RNF24: variants seen among roughly 807,000 people sequenced by gnomAD.
RNF24 encodes the protein ring finger protein 24.
In RNF24, 14 loss-of-function variants were observed where a neutral mutation model predicts 20.0. The observed-to-expected ratio is 0.70, with a 90% CI of 0.46 to 1.10. The LOEUF (loss-of-function observed/expected upper bound fraction) is 1.10. Among genes scored for constraint, RNF24 ranks in the 50% least tolerant of loss-of-function variants. RNF24 has a pLI of 0.00. For synonymous variants in RNF24, 45 were observed against 61.1 expected, an observed-to-expected ratio of 0.74 and a Z score of 1.23; for missense variants, 124 against 177.6, an observed-to-expected ratio of 0.70 and a Z score of 1.71.
intron 1 of RNF24, among the ~76,000 whole-genome samples, chr20:3,985,062 A>C (rs56069856): frequency 0.12 from 18,760 of 152,134 alleles, 1,416 homozygotes; most frequent in Non-Finnish European, 0.17. Flanking sequence ...CCACAACAAC[A>C]ACCACCTAGG....
At chr20:3,962,967 G>C (rs1458490735) in intron 2 of RNF24, among the ~76,000 whole-genome samples, 1 of 151,626 alleles carries the variant, frequency 6.6e-6, no homozygotes. Flanking sequence ...TCCCAGTGTT[G>C]GGATTTTGGA....
rs1319153115 is a variant in RNF24 at position 3,932,660 on chromosome 20, TC to T, written c.*1402del. 9.0e-5 allele frequency: 32 copies of T among 356,490 alleles called. No homozygotes were observed. The Middle Eastern group carries it at 2.2e-3, about 24-fold the overall frequency. The allele number at this position is 356,490 out of a possible 1,614,324, so 22.1% of individuals were successfully genotyped here. A position where few individuals can be genotyped will look rare whatever the true frequency, so the allele number is the denominator to read the frequency against. On this transcript the variant is annotated 3_prime_UTR_variant, in exon 6 of 6. Coordinates refer to ENST00000358395, the MANE Select transcript of RNF24 (RefSeq NM_001134337.3). ...CAGACTGTATTCCTAATGAAAAACT[TC>T]CCCCACTCACACCTGTGGGATGGAG... is the stretch of plus-strand genomic sequence containing the variant.
chr20:3,953,704 T>G (rs1055025825), intron 2 of RNF24, among the ~76,000 whole-genome samples: 1 of 151,488 alleles, frequency 6.6e-6, no homozygotes, highest in Admixed American at 6.6e-5. Flanking sequence ...CCTCGTGATC[T>G]GTCTCTTTTT....
chr20:3,989,531 A>G (rs1332195343), intron 1 of RNF24, among the ~76,000 whole-genome samples: 1 of 152,114 alleles, frequency 6.6e-6, no homozygotes, highest in African/African-American at 2.4e-5. Context: ...TGCTGCTGAC[A>G]CTTGAATTGA....
At chr20:4,014,739 GCACACACACACACACACACA>G (rs146278311) in intron 1 of RNF24, among the ~76,000 whole-genome samples, 3 of 143,670 alleles carry the variant, frequency 2.1e-5, no homozygotes, top group Admixed American at 6.9e-5. Context: ...ACTTGAATGC[GCACACACACACACACACACA>G]CACACACACA....
chr20:3,938,286 AGTTCTTTATAT>A (rs2090915766), intron 4 of RNF24, among the ~76,000 whole-genome samples: 1 of 152,214 alleles, frequency 6.6e-6, no homozygotes, highest in Admixed American at 6.5e-5. Flanking sequence ...AAGTGGTAAG[AGTTCTTTATAT>A]ATTTTAGACT....
intron 2 of RNF24, among the ~76,000 whole-genome samples, chr20:3,948,826 T>G (rs2091049613): frequency 6.6e-6 from 1 of 152,210 alleles, no homozygotes; most frequent in Admixed American, 6.5e-5. Context: ...TACTCTTTTG[T>G]GTTTGGTTTC....
At chr20:3,940,554 T>G (rs2090943573) in intron 4 of RNF24, among the ~76,000 whole-genome samples, 1 of 152,128 alleles carries the variant, frequency 6.6e-6, no homozygotes, top group Non-Finnish European at 1.5e-5. Context: ...CTTCCCATGC[T>G]TGGCAAAAAA....
At position 3,954,677 on chromosome 20, in the gene RNF24, GGTGGATC is replaced by G. The variant is rs376164609; in HGVS notation, c.144-6405_144-6399del. ...CCCAGCACTTTGGGAGGCTGAGGCAGGTGGATCATGAGGTCAGGAGTTCAAGTCTGGC... is the reference window on the plus strand; with the variant it reads ...CCCAGCACTTTGGGAGGCTGAGGCAGATGAGGTCAGGAGTTCAAGTCTGGC... On this transcript the variant is annotated intron_variant, in intron 2 of 5. Coordinates refer to ENST00000358395, the MANE Select transcript of RNF24 (RefSeq NM_001134337.3). Among the ~76,000 whole-genome samples, 877 of 152,242 alleles carry G rather than the reference GGTGGATC, an allele frequency of 5.8e-3. 6 individuals carry two copies. Among genetic ancestry groups the G allele is most frequent in the African/African-American group, 0.02 (815 of 41,532 alleles).
chr20:3,954,776 G>A (rs1034817115), intron 2 of RNF24, among the ~76,000 whole-genome samples: 3 of 151,966 alleles, frequency 2.0e-5, no homozygotes, highest in Non-Finnish European at 4.4e-5. Flanking sequence ...GCAGGCGCCT[G>A]TAATCCCAAC....
chr20:3,945,768 T>C (rs1036710347), intron 3 of RNF24, among the ~76,000 whole-genome samples: 1 of 151,656 alleles, frequency 6.6e-6, no homozygotes, highest in African/African-American at 2.4e-5. Flanking sequence ...TTTGACTCCG[T>C]GGTGACCAGA....
chr20:3,985,670 T>C (rs1979823996), intron 1 of RNF24, among the ~76,000 whole-genome samples: 1 of 151,970 alleles, frequency 6.6e-6, no homozygotes, highest in African/African-American at 2.4e-5. Flanking sequence ...TTTTGGTGAG[T>C]CTATTTTTAC....
At chr20:3,950,260 GA>G (rs1400199185) in intron 2 of RNF24, among the ~76,000 whole-genome samples, 1 of 152,178 alleles carries the variant, frequency 6.6e-6, no homozygotes, top group Non-Finnish European at 1.5e-5. Flanking sequence ...AGTTAGTTAA[GA>G]TGAGGTTATA....
At chr20:3,984,374 A>G (rs114565126) in intron 1 of RNF24, among the ~76,000 whole-genome samples, 1,545 of 152,250 alleles carry the variant, frequency 0.01, 17 homozygotes, top group African/African-American at 0.035. Flanking sequence ...GCAAGGCTGC[A>G]TTTCTGGATA....
At position 3,932,476 on chromosome 20, in the gene RNF24, G is replaced by T. The variant is rs241604; in HGVS notation, c.*1587C>A. ...TCCAAACCGGATTCTGTCCAGCACT[G>T]TTCTACACTAATGGAAATTTTCCTC... On this transcript the variant is annotated 3_prime_UTR_variant, in exon 6 of 6. Transcript: ENST00000358395. The T allele has an allele frequency of 0.49, 76,701 of 156,344 alleles. 19,942 individuals are homozygous for T. Among genetic ancestry groups the T allele is most frequent in the African/African-American group, 0.68 (28,287 of 41,644 alleles). 9.7% of individuals were successfully genotyped at this position (156,344 alleles called of 1,614,324 possible).
chr20:3,991,587 G>GT (rs1168851711), intron 1 of RNF24, among the ~76,000 whole-genome samples: 6 of 152,128 alleles, frequency 3.9e-5, no homozygotes, highest in Admixed American at 3.9e-4. Flanking sequence ...TGTCCCAGTT[G>GT]TTTGTAAAGA....
At chr20:3,956,804 T>C (rs1372514335) in intron 2 of RNF24, among the ~76,000 whole-genome samples, 3 of 152,236 alleles carry the variant, frequency 2.0e-5, no homozygotes, top group Non-Finnish European at 4.4e-5. Flanking sequence ...TTTGCTTGTT[T>C]TACATTTTAT....
chr20:3,955,431 C>A (rs2091131334), intron 2 of RNF24, among the ~76,000 whole-genome samples: 1 of 152,260 alleles, frequency 6.6e-6, no homozygotes, highest in Admixed American at 6.5e-5. Context: ...ATTTGCATAT[C>A]AATTTGTCAT....
chr20:3,995,167 T>C (rs976142614), intron 1 of RNF24, among the ~76,000 whole-genome samples: 1 of 152,194 alleles, frequency 6.6e-6, no homozygotes, highest in African/African-American at 2.4e-5. Flanking sequence ...CAATGTCCCA[T>C]CTATAATATA....
Sources: gnomAD v4.1 joint callset for allele counts (sites outside exome capture counted in the v4.1 genomes callset) on GRCh38, gnomAD v4.1.1 for gene constraint, MANE v1.5 for transcripts, NCBI Gene and HGNC (gene_info 2026-07-23, HGNC 2026-07-21) for gene names.